The following EYA1 variants were observed in gnomAD, a reference collection of about 807,000 sequenced individuals.
EYA1 encodes protein phosphatase EYA1.
Under a neutral mutation model 82.0 loss-of-function variants are expected in EYA1, and 16 were observed. The ratio of observed to expected loss-of-function variants is 0.20; its 90% CI spans 0.13 to 0.30. The LOEUF (loss-of-function observed/expected upper bound fraction) is 0.30. EYA1 is among the 10% of genes least tolerant of loss of function. The pLI, the probability that EYA1 is intolerant of heterozygous loss-of-function variation, is 1.00. For missense variants in EYA1, 633 were observed against 730.7 expected (o/e 0.87, Z 1.54); for synonymous variants, 261 against 264.4 (o/e 0.99, Z 0.12).
chr8:71,441,387 G>A (rs112547003), intron 2 of EYA1, among the ~76,000 whole-genome samples: 57 of 152,196 alleles, frequency 3.7e-4, no homozygotes, highest in African/African-American at 1.4e-3. Context: ...TCCAGCCTGA[G>A]TGACAGAGTG....
chr8:71,528,281 C>T (rs1291831073), intron 2 of EYA1, among the ~76,000 whole-genome samples: 1 of 152,144 alleles, frequency 6.6e-6, no homozygotes, highest in African/African-American at 2.4e-5. Context: ...CACCAGAACA[C>T]AAGATATTGG....
At chr8:71,309,494 C>T (rs765133699) in intron 7 of EYA1, among the ~76,000 whole-genome samples, 131 of 152,176 alleles carry the variant, frequency 8.6e-4, no homozygotes, top group Non-Finnish European at 1.6e-3. Flanking sequence ...TTTCATTTTA[C>T]GTCAGAAAGT....
intron 2 of EYA1, among the ~76,000 whole-genome samples, chr8:71,497,424 G>A (rs1811496176): frequency 6.6e-6 from 1 of 152,206 alleles, no homozygotes; most frequent in African/African-American, 2.4e-5. Flanking sequence ...CAAAGTCCCT[G>A]AATAGGTATT....
chr8:71,361,617 C>T (rs1827383751), intron 1 of EYA1, 30 bp downstream of exon 1: 2 of 970,988 alleles, frequency 2.1e-6, no homozygotes, highest in South Asian at 9.5e-5. Context: ...TCAGTCACTA[C>T]AATTTTTCAA....
intron 2 of EYA1, among the ~76,000 whole-genome samples, chr8:71,380,596 G>T (rs1373894395): frequency 6.6e-6 from 1 of 152,106 alleles, no homozygotes; most frequent in Non-Finnish European, 1.5e-5. Flanking sequence ...GCTGCTCCCT[G>T]GCCTGGAATG....
chr8:71,244,144 A>C (rs1476428153), intron 12 of EYA1, among the ~76,000 whole-genome samples: 2 of 152,342 alleles, frequency 1.3e-5, no homozygotes, highest in East Asian at 3.9e-4. Context: ...CAGTCCTGGC[A>C]ACCCAAACAG....
rs536053836 is a variant in EYA1 at position 71,467,761 on chromosome 8, C to T, written c.33+67983G>A. On this transcript the variant is annotated intron_variant, in intron 2 of 18. Coordinates refer to the EYA1 transcript ENST00000643681. ...CATGATTATGCATGAGATACATGCA[C>T]AATTATCTGAAAAATTAATAGGCTG... is the stretch of plus-strand genomic sequence containing the variant. 9.9e-5 allele frequency among the ~76,000 whole-genome samples: 15 copies of T among 152,178 alleles called. No individual in the cohort carries two copies. In the South Asian group the frequency reaches 3.1e-3, roughly 32 times the overall value.
At chr8:71,540,492 T>C (rs1379586629) in intron 1 of EYA1, among the ~76,000 whole-genome samples, 3 of 151,850 alleles carry the variant, frequency 2.0e-5, no homozygotes, top group African/African-American at 7.3e-5. Flanking sequence ...TATGGTGACA[T>C]GAAGCAGACA....
chr8:71,335,715 T>A (rs1247675317), intron 3 of EYA1, among the ~76,000 whole-genome samples: 1 of 152,208 alleles, frequency 6.6e-6, no homozygotes, highest in Non-Finnish European at 1.5e-5. Flanking sequence ...TGCCATCGTT[T>A]CAGGAAAGGC....
At chr8:71,417,029 C>T (rs561798858) in intron 2 of EYA1, among the ~76,000 whole-genome samples, 5 of 152,302 alleles carry the variant, frequency 3.3e-5, no homozygotes, top group Admixed American at 1.3e-4. Flanking sequence ...GGCAGAACAA[C>T]GTGAAAAGAC....
chr8:71,271,768 G>C lies in EYA1; in HGVS notation c.956C>G (p.Ser319Cys). The C allele has an allele frequency of 6.2e-7, 1 of 1,614,202 alleles. No individual in the cohort carries two copies. The highest frequency in any genetic ancestry group is 8.5e-7 in the Non-Finnish European group (1 of 1,180,030). Residue 319 changes from serine to cysteine, a missense_variant, in exon 10 of 18, where the codon TCT becomes TGT. By Grantham distance (112) the Ser-to-Cys change is moderately radical. Transcript: ENST00000340726. ...RNNNPSPPPDSDLERVFIWDL... is the reference protein window; with the variant it reads ...RNNNPSPPPDCDLERVFIWDL... ...TTGGCTATGACGTACCTCAAGATCA[G>C]AATCTGGGGGAGGTGAAGGATTATT...
intron 12 of EYA1, among the ~76,000 whole-genome samples, chr8:71,244,171 ACAT>A (rs1334237816): frequency 6.6e-6 from 1 of 152,198 alleles, no homozygotes; most frequent in Non-Finnish European, 1.5e-5. Context: ...CCAGACTAAA[ACAT>A]CTTCCTACCA....
At chr8:71,467,940 T>G (rs1331051037) in intron 2 of EYA1, among the ~76,000 whole-genome samples, 1 of 152,122 alleles carries the variant, frequency 6.6e-6, no homozygotes, top group Non-Finnish European at 1.5e-5. Flanking sequence ...GATATCACAT[T>G]GAATTGAACA....
At chr8:71,241,883 C>T (rs1213257512) in intron 12 of EYA1, among the ~76,000 whole-genome samples, 1 of 151,548 alleles carries the variant, frequency 6.6e-6, no homozygotes, top group East Asian at 1.9e-4. Context: ...ATGACCAGTC[C>T]CAGGTTTGTT....
At chr8:71,375,307 G>C (rs1161584004) in intron 2 of EYA1, among the ~76,000 whole-genome samples, 1 of 151,766 alleles carries the variant, frequency 6.6e-6, no homozygotes, top group African/African-American at 2.4e-5. Context: ...CCTCATGCTA[G>C]AAGAGCTTAC....
At chr8:71,515,386 C>A (rs939805934) in intron 2 of EYA1, among the ~76,000 whole-genome samples, 4 of 152,068 alleles carry the variant, frequency 2.6e-5, no homozygotes, top group Admixed American at 2.0e-4. Flanking sequence ...AGAAACTAAT[C>A]TAATTTATTA....
At chr8:71,497,723 A>G (rs924023589) in intron 2 of EYA1, among the ~76,000 whole-genome samples, 1 of 152,192 alleles carries the variant, frequency 6.6e-6, no homozygotes, top group Admixed American at 6.5e-5. Context: ...CCAGGTATTT[A>G]CCCAAAGAAA....
At position 71,199,203 on chromosome 8, in the gene EYA1, G is replaced by T; in HGVS notation, c.*137C>A. 1.4e-6 allele frequency: 1 copy of T among 707,596 alleles called. No homozygotes were observed. The highest frequency in any genetic ancestry group is 2.6e-6 in the Non-Finnish European group (1 of 391,904). The allele number at this position is 707,596 out of a possible 1,614,324, so 43.8% of individuals were successfully genotyped here. The stretch of plus-strand genomic sequence containing the variant: ...TCCTCCATTCACCACAAAGGCAGAG[G>T]TCAAGACTGACAGCAACTGCGCATC... On this transcript the variant is annotated 3_prime_UTR_variant, in exon 18 of 18. Coordinates refer to ENST00000340726, the MANE Select transcript of EYA1 (RefSeq NM_000503.6).
intron 11 of EYA1, among the ~76,000 whole-genome samples, chr8:71,267,676 G>A (rs1217376539): frequency 6.6e-6 from 1 of 152,150 alleles, no homozygotes. Context: ...AGCTTCCTGA[G>A]TAGCTGGGAC....
Sources: allele counts gnomAD v4.1 joint callset (sites outside exome capture counted in the v4.1 genomes callset), GRCh38; gene constraint gnomAD v4.1.1; transcripts MANE v1.5; gene names NCBI Gene and HGNC (gene_info 2026-07-23, HGNC 2026-07-21).